The following ZNF407 variants were observed in gnomAD, a reference collection of about 807,000 sequenced individuals.
ZNF407 encodes zinc finger protein 407.
ZNF407 carries 17 observed loss-of-function variants against 131.2 expected under a neutral mutation model. The observed-to-expected ratio is 0.13, with a 90% confidence interval of 0.09 to 0.19. The LOEUF (loss-of-function observed/expected upper bound fraction) is 0.19. Ranked by LOEUF, ZNF407 falls within the 10% of genes least tolerant of loss-of-function variation. The pLI is 1.00. For missense variants in ZNF407, 2,681 were observed against 2,830.6 expected (o/e 0.95, Z 1.20); for synonymous variants, 1,156 against 1,062.0 (o/e 1.09, Z -1.72).
At chr18:74,772,224 A>G (rs1401111458) in intron 3 of ZNF407, among the ~76,000 whole-genome samples, 1 of 152,170 alleles carries the variant, frequency 6.6e-6, no homozygotes, top group Non-Finnish European at 1.5e-5. Flanking sequence ...TTGGGTAGCC[A>G]TTGAGGAGAC....
intron 3 of ZNF407, among the ~76,000 whole-genome samples, chr18:74,718,394 C>T (rs973861707): frequency 7.9e-5 from 12 of 151,742 alleles, no homozygotes; most frequent in African/African-American, 2.9e-4. Flanking sequence ...TGTGCTGGTG[C>T]GTGCCTATAG....
At chr18:74,823,337 A>G (rs980646144) in intron 4 of ZNF407, among the ~76,000 whole-genome samples, 5 of 152,238 alleles carry the variant, frequency 3.3e-5, no homozygotes, top group African/African-American at 1.2e-4. Context: ...CATCATTATG[A>G]CAGGATCAAA....
rs558269963 is a variant in ZNF407, at chr18:74,771,754, T to A, written c.4803-9674T>A. The stretch of plus-strand genomic sequence containing the variant: ...TTCTTGATAACTGATTGTGTGGTAT[T>A]TATTTTTGTCTGACTTGTTTCATAG... On this transcript the variant is annotated intron_variant, in intron 3 of 8. Coordinates refer to ENST00000299687, the MANE Select transcript of ZNF407 (RefSeq NM_017757.3). 3.3e-5 allele frequency among the ~76,000 whole-genome samples: 5 copies of A among 152,218 alleles called. No homozygotes were observed. In the South Asian group the frequency reaches 1.0e-3, roughly 32 times the overall value.
At chr18:75,036,566 A>C (rs536307142) in intron 8 of ZNF407, among the ~76,000 whole-genome samples, 1 of 152,234 alleles carries the variant, frequency 6.6e-6, no homozygotes, top group African/African-American at 2.4e-5. Flanking sequence ...ATCTTAACAA[A>C]TGTTGTTTTA....
chr18:74,688,271 CT>C (rs1302914577), intron 3 of ZNF407, among the ~76,000 whole-genome samples: 1 of 152,102 alleles, frequency 6.6e-6, no homozygotes, highest in Non-Finnish European at 1.5e-5. Context: ...ATGCTAGCTA[CT>C]GAAAAGAATA....
Position 75,063,398 on chromosome 18 carries a change from C to T in ZNF407, c.5677C>T (p.Leu1893=). 1 of 1,611,320 alleles carries T rather than the reference C, an allele frequency of 6.2e-7. No individual in the cohort carries two copies. Among genetic ancestry groups the T allele is most frequent in the Non-Finnish European group, 8.5e-7 (1 of 1,179,132 alleles). ...GACGGCCGCCGCCACGCTGCAGACG[C>T]TGGCCATGGCCGGCCAGGTGGCCCG... ...EETAAATLQT[L]AMAGQVARVV... is the part of the protein sequence containing the mutation. Residue 1893 remains leucine, a synonymous_variant, in exon 9 of 9, where the codon CTG becomes TTG. Transcript: ENST00000299687. The surrounding 1 kb of genome is among the most constrained non-coding windows in gnomAD (Gnocchi z 6.6).
intron 4 of ZNF407, among the ~76,000 whole-genome samples, chr18:74,826,051 G>A (rs1034341813): frequency 2.0e-5 from 3 of 152,088 alleles, no homozygotes; most frequent in East Asian, 1.9e-4. Context: ...GCTTTTTCTT[G>A]TCATTCAATA....
chr18:74,748,942 A>T (rs1337274615), intron 3 of ZNF407, among the ~76,000 whole-genome samples: 5 of 152,150 alleles, frequency 3.3e-5, no homozygotes, highest in African/African-American at 1.2e-4. Context: ...GGAGTTCTAG[A>T]TGAGGTCTTC....
intron 8 of ZNF407, among the ~76,000 whole-genome samples, chr18:74,948,390 C>G (rs377735300): frequency 5.9e-5 from 9 of 152,316 alleles, no homozygotes; most frequent in African/African-American, 2.2e-4. Context: ...TGTAAAACAA[C>G]ATGTTCCAGA....
At chr18:74,925,659 CAT>C (rs1363752324) in intron 8 of ZNF407, among the ~76,000 whole-genome samples, 2 of 152,200 alleles carry the variant, frequency 1.3e-5, no homozygotes, top group Non-Finnish European at 2.9e-5. Context: ...TGCCCTGACA[CAT>C]GTCATGACAT....
intron 3 of ZNF407, among the ~76,000 whole-genome samples, chr18:74,650,123 C>A (rs1985158940): frequency 6.6e-6 from 1 of 152,166 alleles, no homozygotes; most frequent in Non-Finnish European, 1.5e-5. Context: ...AATAGCATTT[C>A]ACTTTATTTT....
Position 75,063,744 on chromosome 18 carries a change from T to G in ZNF407, c.6023T>G (p.Leu2008Arg). 6.2e-7 allele frequency: 1 copy of G among 1,611,834 alleles called. No individual in the cohort carries two copies. The highest frequency in any genetic ancestry group is 8.5e-7 in the Non-Finnish European group (1 of 1,179,706). ...GGGGAGGTGGAGGGCAGGGCTGGGC[T>G]CGAGGAGCAAGGCAGGCCCGGCGCC... ...ELGEVEGRAG[L>R]EEQGRPGAKD... Residue 2008 changes from leucine to arginine, a missense_variant, in exon 9 of 9, where the codon CTC becomes CGC. By Grantham distance (102) the Leu-to-Arg change is moderately radical. Transcript: ENST00000299687. This position sits in a 1 kb window ranked among gnomAD's most constrained non-coding sequence, Gnocchi z 6.6.
At chr18:74,973,375 A>C (rs1972494336) in intron 8 of ZNF407, among the ~76,000 whole-genome samples, 1 of 152,222 alleles carries the variant, frequency 6.6e-6, no homozygotes, top group Admixed American at 6.5e-5. Flanking sequence ...AGACTGTGTG[A>C]CATATACATA....
At position 74,676,899 on chromosome 18, in the gene ZNF407, C is replaced by T. The variant is rs2144767119; in HGVS notation, c.4802+35777C>T. 1.3e-5 allele frequency among the ~76,000 whole-genome samples: 2 copies of T among 152,258 alleles called. 1 individual carries two copies. Among genetic ancestry groups the T allele is most frequent in the South Asian group, 4.1e-4 (2 of 4,822 alleles). ...GTAAAATGGACAAAACAGTTACCTT[C>T]ATGGCACTCGGGAGCAGAGGCTGAC... On this transcript the variant is annotated intron_variant, in intron 3 of 8. Coordinates refer to ENST00000299687, the MANE Select transcript of ZNF407 (RefSeq NM_017757.3).
At chr18:74,690,434 T>G (rs938621235) in intron 3 of ZNF407, among the ~76,000 whole-genome samples, 7 of 128,708 alleles carry the variant, frequency 5.4e-5, no homozygotes, top group Middle Eastern at 4.1e-3. Context: ...GGATTAGTTT[T>G]TTTTTGTTTT....
intron 8 of ZNF407, among the ~76,000 whole-genome samples, chr18:75,024,731 A>G (rs1973151755): frequency 6.6e-6 from 1 of 152,224 alleles, no homozygotes; most frequent in Admixed American, 6.5e-5. Flanking sequence ...AACTGAAATA[A>G]TGTCAGCGGT....
Position 75,063,905 on chromosome 18 carries a change from C to A in ZNF407, c.6184C>A (p.Pro2062Thr). The change falls in exon 9 of 9, where the codon CCC becomes ACC. Residue 2062 changes from proline to threonine, a missense_variant. Pro to Thr is a conservative substitution (Grantham distance 38, BLOSUM62 -1). Around this residue, in one of 6 missense-constraint regions of ZNF407, gnomAD observed 620 missense variants for 583.1 expected, o/e 1.06. Coordinates refer to ENST00000299687, the MANE Select transcript of ZNF407 (RefSeq NM_017757.3). This position sits in a 1 kb window ranked among gnomAD's most constrained non-coding sequence, Gnocchi z 6.6. Reference protein sequence around the residue: ...AVEVLTQVVHPSAAMASQERA... With the variant: ...AVEVLTQVVHTSAAMASQERA... ...GGAGGTGCTCACCCAGGTGGTCCAT[C>A]CCTCAGCAGCCATGGCCTCTCAGGA... The A allele has an allele frequency of 2.5e-6, 4 of 1,613,540 alleles. No homozygotes were observed. The highest frequency in any genetic ancestry group is 3.4e-6 in the Non-Finnish European group (4 of 1,179,848).
At chr18:74,937,949 C>G (rs958103640) in intron 8 of ZNF407, among the ~76,000 whole-genome samples, 1 of 152,178 alleles carries the variant, frequency 6.6e-6, no homozygotes, top group African/African-American at 2.4e-5. Flanking sequence ...TGGAAATGCT[C>G]TGTCTTCCAC....
At chr18:74,741,357 TA>T (rs1228732921) in intron 3 of ZNF407, among the ~76,000 whole-genome samples, 1 of 152,132 alleles carries the variant, frequency 6.6e-6, no homozygotes, top group African/African-American at 2.4e-5. Flanking sequence ...TATATGGAAA[TA>T]TATACATATA....
Sources: allele counts gnomAD v4.1 joint callset (sites outside exome capture counted in the v4.1 genomes callset), GRCh38; gene constraint gnomAD v4.1.1; regional missense constraint gnomAD v4.1.1; non-coding constraint Gnocchi (gnomAD v3.1); transcripts MANE v1.5; gene names NCBI Gene and HGNC (gene_info 2026-07-23, HGNC 2026-07-21).